The following FSTL5 variants were observed in gnomAD, a reference collection of about 807,000 sequenced individuals.
FSTL5 encodes the protein follistatin like 5.
A neutral mutation model predicts 89.1 loss-of-function variants in FSTL5; 62 were observed. The observed-to-expected ratio is 0.70, with a 90% CI of 0.57 to 0.86. The LOEUF (loss-of-function observed/expected upper bound fraction) is 0.86. Among genes scored for constraint, FSTL5 ranks in the 40% least tolerant of loss-of-function variants. FSTL5 has a pLI of 0.00. For synonymous variants in FSTL5, 383 were observed against 346.2 expected (o/e 1.11, Z -1.18); for missense variants, 1,057 against 1,001.6 (o/e 1.06, Z -0.75).
chr4:161,591,734 T>C (rs546454073), intron 7 of FSTL5, among the ~76,000 whole-genome samples: 33 of 152,328 alleles, frequency 2.2e-4, no homozygotes, highest in African/African-American at 7.5e-4. Context: ...TTAATCTTTA[T>C]TTATAAAGCA....
intron 3 of FSTL5, among the ~76,000 whole-genome samples, chr4:161,954,516 T>C (rs1447912707): frequency 6.6e-6 from 1 of 151,642 alleles, no homozygotes; most frequent in Non-Finnish European, 1.5e-5. Flanking sequence ...GATATACCTG[T>C]AAAGTATGTG....
intron 3 of FSTL5, among the ~76,000 whole-genome samples, chr4:162,020,656 T>C (rs190748235): frequency 2.6e-5 from 4 of 152,104 alleles, no homozygotes; most frequent in East Asian, 1.9e-4. Flanking sequence ...GGTAGGCCAT[T>C]TGACTGTTCA....
At chr4:161,975,084 A>C (rs1735595015) in intron 3 of FSTL5, among the ~76,000 whole-genome samples, 1 of 138,170 alleles carries the variant, frequency 7.2e-6, no homozygotes, top group East Asian at 2.2e-4. Flanking sequence ...AATGGCAATC[A>C]TTAAAAAGTC....
At position 161,455,496 on chromosome 4, in the gene FSTL5, T is replaced by C. The variant is rs192235882; in HGVS notation, c.1717-368A>G. ...TGATATTAGGACAAAATCCCTCCAG[T>C]ATAACATAACTGGCAACATAGTTTT... On this transcript the variant is annotated intron_variant, in intron 14 of 15. Transcript: ENST00000306100. 2.0e-3 allele frequency among the ~76,000 whole-genome samples: 310 copies of C among 152,228 alleles called. 2 individuals carry two copies. Among genetic ancestry groups the C allele is most frequent in the Non-Finnish European group, 3.8e-3 (257 of 67,990 alleles).
At chr4:161,608,744 T>C (rs1183260599) in intron 7 of FSTL5, among the ~76,000 whole-genome samples, 2 of 152,116 alleles carry the variant, frequency 1.3e-5, no homozygotes, top group East Asian at 3.9e-4. Flanking sequence ...GGATATATGG[T>C]GTAATAATAG....
chr4:161,838,505 C>G (rs576323283), intron 4 of FSTL5, among the ~76,000 whole-genome samples: 1 of 152,104 alleles, frequency 6.6e-6, no homozygotes, highest in South Asian at 2.1e-4. Context: ...AGGATGGTCT[C>G]GATCTCCTGA....
At chr4:161,637,766 A>G (rs1735777403) in intron 7 of FSTL5, among the ~76,000 whole-genome samples, 2 of 118,522 alleles carry the variant, frequency 1.7e-5, no homozygotes, top group South Asian at 3.3e-4. Context: ...CAAAGATCAG[A>G]TAGTTGTAGA....
At chr4:161,775,164 C>G (rs758587138) in intron 5 of FSTL5, among the ~76,000 whole-genome samples, 2 of 152,090 alleles carry the variant, frequency 1.3e-5, no homozygotes, top group African/African-American at 4.8e-5. Flanking sequence ...AAATGGTCTA[C>G]TTCCCTCACC....
intron 3 of FSTL5, among the ~76,000 whole-genome samples, chr4:161,986,452 T>G (rs1735965781): frequency 6.6e-6 from 1 of 152,112 alleles, no homozygotes; most frequent in African/African-American, 2.4e-5. Flanking sequence ...CTCAGGAGGC[T>G]GAGGCAGGAG....
chr4:161,617,922 C>T (rs1173330944), intron 7 of FSTL5, among the ~76,000 whole-genome samples: 1 of 152,182 alleles, frequency 6.6e-6, no homozygotes, highest in African/African-American at 2.4e-5. Flanking sequence ...GCAGTATGGT[C>T]ATTTTCACGA....
At chr4:161,983,784 A>G (rs1171859415) in intron 3 of FSTL5, among the ~76,000 whole-genome samples, 1 of 152,124 alleles carries the variant, frequency 6.6e-6, no homozygotes, top group Non-Finnish European at 1.5e-5. Flanking sequence ...TCTTAAAACC[A>G]AAGAGTGCAA....
At chr4:161,768,655 C>A (rs1277937472) in intron 5 of FSTL5, among the ~76,000 whole-genome samples, 2 of 151,754 alleles carry the variant, frequency 1.3e-5, no homozygotes, top group African/African-American at 4.8e-5. Flanking sequence ...ATATTCATGC[C>A]ATTTTGCAAA....
intron 2 of FSTL5, among the ~76,000 whole-genome samples, chr4:162,090,340 T>C (rs1730497055): frequency 6.6e-6 from 1 of 152,132 alleles, no homozygotes; most frequent in South Asian, 2.1e-4. Context: ...TTCTGCAAAC[T>C]ATGCATCTGA....
chr4:161,956,175 C>G (rs1277013889), intron 3 of FSTL5, among the ~76,000 whole-genome samples: 1 of 151,700 alleles, frequency 6.6e-6, no homozygotes, highest in Non-Finnish European at 1.5e-5. Flanking sequence ...CAAATAAATA[C>G]AGTAGAACTA....
intron 10 of FSTL5, among the ~76,000 whole-genome samples, chr4:161,533,443 A>G (rs1475847442): frequency 6.6e-6 from 1 of 152,144 alleles, no homozygotes; most frequent in African/African-American, 2.4e-5. Flanking sequence ...TATTATGAAC[A>G]CCTCTATGCA....
At chr4:161,977,565 A>T (rs559051705) in intron 3 of FSTL5, among the ~76,000 whole-genome samples, 102 of 147,542 alleles carry the variant, frequency 6.9e-4, no homozygotes, top group South Asian at 4.8e-3. Context: ...GTGAGCCGAG[A>T]TCACGCCACT....
At chr4:162,057,096 C>T (rs1348205310) in intron 2 of FSTL5, among the ~76,000 whole-genome samples, 1 of 152,160 alleles carries the variant, frequency 6.6e-6, no homozygotes, top group African/African-American at 2.4e-5. Flanking sequence ...CCTGAAGGGA[C>T]GGCACATCCC....
intron 4 of FSTL5, among the ~76,000 whole-genome samples, chr4:161,845,501 T>A (rs1019366682): frequency 2.0e-5 from 3 of 152,222 alleles, no homozygotes; most frequent in Admixed American, 6.5e-5. Flanking sequence ...TGATTACTCA[T>A]TTTATTCACT....
At chr4:161,442,505 T>C (rs1578977858) in intron 15 of FSTL5, among the ~76,000 whole-genome samples, 1 of 152,084 alleles carries the variant, frequency 6.6e-6, no homozygotes, top group East Asian at 1.9e-4. Context: ...CAATTCTCTG[T>C]GTCCACAACA....
Sources: gnomAD v4.1 joint callset for allele counts (sites outside exome capture counted in the v4.1 genomes callset) on GRCh38, gnomAD v4.1.1 for gene constraint, MANE v1.5 for transcripts, NCBI Gene and HGNC (gene_info 2026-07-23, HGNC 2026-07-21) for gene names.